Variants in GATB observed in about 807,000 individuals in gnomAD.
The protein encoded by GATB is glutamyl-tRNA(Gln) amidotransferase subunit B, mitochondrial.
In GATB, 39 loss-of-function variants were observed where a neutral mutation model predicts 62.3. The ratio of observed to expected loss-of-function variants is 0.63; its 90% CI spans 0.48 to 0.82. GATB has a LOEUF of 0.82. Among genes scored for constraint, GATB ranks in the 40% least tolerant of loss-of-function variants. The pLI, the probability that GATB is intolerant of heterozygous loss-of-function variation, is 0.00. For missense variants in GATB, 670 were observed against 684.0 expected, an observed-to-expected ratio of 0.98 and a Z score of 0.23; for synonymous variants, 276 against 258.9, an observed-to-expected ratio of 1.07 and a Z score of -0.63.
chr4:151,679,285 C>T lies in GATB; in HGVS notation c.1410+528G>A, dbSNP rs113803059. Among the ~76,000 whole-genome samples the T allele has an allele frequency of 7.2e-5, 11 of 152,314 alleles. 1 individual carries two copies. Among genetic ancestry groups the T allele is most frequent in the African/African-American group, 2.6e-4 (11 of 41,560 alleles). ...AGAGGTATAGACAGACAAAAGGCTG[C>T]TTAGGATGATGCTATTTTTCTGAGT... On this transcript the variant is annotated intron_variant, in intron 11 of 12. Transcript: ENST00000263985.
intron 11 of GATB, chr4:151,675,762 T>C (rs1737987422): frequency 6.6e-6 from 1 of 152,238 alleles, no homozygotes; most frequent in Admixed American, 6.5e-5. Flanking sequence ...TCTGTGTTAA[T>C]AAATGGCCGA....
intron 2 of GATB, among the ~76,000 whole-genome samples, chr4:151,732,699 C>A (rs1739293141): frequency 1.4e-5 from 2 of 144,670 alleles, no homozygotes; most frequent in African/African-American, 2.6e-5. Context: ...GCGAGAAACA[C>A]CCAAGAATGA....
intron 9 of GATB, among the ~76,000 whole-genome samples, chr4:151,700,354 G>C (rs547310605): frequency 6.6e-6 from 1 of 152,302 alleles, no homozygotes; most frequent in South Asian, 2.1e-4. Flanking sequence ...CAGCCCACAG[G>C]AGGCAGTGAC....
intron 10 of GATB, among the ~76,000 whole-genome samples, chr4:151,682,296 A>G (rs1738155698): frequency 1.3e-5 from 2 of 152,166 alleles, no homozygotes; most frequent in Non-Finnish European, 1.5e-5. Context: ...TTAATTCCAC[A>G]TATGCCAGGG....
intron 10 of GATB, among the ~76,000 whole-genome samples, chr4:151,681,202 C>T (rs911868089): frequency 1.3e-5 from 2 of 152,248 alleles, no homozygotes; most frequent in African/African-American, 4.8e-5. Flanking sequence ...AACCAACTGA[C>T]TTACTGTACT....
chr4:151,687,091 G>T, intron 10 of GATB: 1 of 152,244 alleles, frequency 6.6e-6, no homozygotes, highest in African/African-American at 2.4e-5. Flanking sequence ...TTCAGGGCTG[G>T]TGTCTGTCCC....
chr4:151,699,026 G>A (rs867914811), intron 9 of GATB, among the ~76,000 whole-genome samples: 10 of 151,452 alleles, frequency 6.6e-5, no homozygotes, highest in Middle Eastern at 3.4e-3. Context: ...ATTCTTGGAA[G>A]GCAAAAAAAA....
intron 2 of GATB, among the ~76,000 whole-genome samples, chr4:151,748,978 A>G (rs1739659354): frequency 1.3e-5 from 2 of 152,234 alleles, no homozygotes; most frequent in South Asian, 4.1e-4. Context: ...CACACCAGTT[A>G]GAATGGCGAT....
rs1289409834 is a variant in GATB, at chr4:151,672,883, A to G, written c.1424T>C (p.Leu475Pro). The G allele has an allele frequency of 1.9e-6, 3 of 1,614,066 alleles. No individual in the cohort carries two copies. Among genetic ancestry groups the G allele is most frequent in the Non-Finnish European group, 2.5e-6 (3 of 1,180,018 alleles). ...SSAAKQVFEE[L>P]WKREGKTPGQ... is the part of the protein sequence containing the mutation. ...TGGAGTCTTGCCTTCCCTCTTCCAC[A>G]GTTCCTCAAACACCTATGGACCAGA... The change falls in exon 12 of 13, where the codon CTG (leucine) becomes CCG (proline). Residue 475 changes from leucine to proline, a missense_variant. Physicochemically the swap from Leu to Pro is moderately conservative, Grantham distance 98 (BLOSUM62 -3). Coordinates refer to ENST00000263985, the MANE Select transcript of GATB (RefSeq NM_004564.3).
chr4:151,694,363 C>T (rs372037561), intron 9 of GATB, among the ~76,000 whole-genome samples: 8 of 152,178 alleles, frequency 5.3e-5, no homozygotes, highest in African/African-American at 9.7e-5. Context: ...AGGTGTCACA[C>T]GGCTCTGAGC....
chr4:151,741,180 C>T (rs1425169975), intron 2 of GATB, among the ~76,000 whole-genome samples: 1 of 151,980 alleles, frequency 6.6e-6, no homozygotes, highest in East Asian at 1.9e-4. Flanking sequence ...ATAAATTATG[C>T]ACAGCAAGAG....
intron 2 of GATB, among the ~76,000 whole-genome samples, chr4:151,735,736 G>A (rs199692931): frequency 0.24 from 22,417 of 93,606 alleles, 3,835 homozygotes; most frequent in African/African-American, 0.32. Context: ...AAACTGTGGT[G>A]TATATATATA....
chr4:151,749,422 A>G (rs1223596213), intron 2 of GATB, among the ~76,000 whole-genome samples: 1 of 151,132 alleles, frequency 6.6e-6, no homozygotes, highest in Non-Finnish European at 1.5e-5. Flanking sequence ...AGAAAACCAA[A>G]CACCACATGT....
rs575597825 is a variant in GATB at position 151,708,731 on chromosome 4, G to T, written c.764-630C>A. Among the ~76,000 whole-genome samples the T allele has an allele frequency of 2.6e-5, 4 of 152,320 alleles. No individual in the cohort carries two copies. The East Asian group carries it at 5.8e-4, about 22-fold the overall frequency. On this transcript the variant is annotated intron_variant, in intron 5 of 12. Coordinates refer to ENST00000263985, the MANE Select transcript of GATB (RefSeq NM_004564.3). ...CTGACTGCTCTAACGATTTGCTACA[G>T]CAGACAGACAGCACTGTTACGAAGT...
intron 10 of GATB, among the ~76,000 whole-genome samples, chr4:151,686,651 C>CA (rs1738252976): frequency 1.4e-5 from 1 of 71,538 alleles, no homozygotes; most frequent in African/African-American, 1.0e-4. Flanking sequence ...GTCCCCGCCC[C>CA]GCCCCCCCCC....
At chr4:151,744,249 C>G (rs756902319) in intron 2 of GATB, among the ~76,000 whole-genome samples, 1 of 152,120 alleles carries the variant, frequency 6.6e-6, no homozygotes, top group African/African-American at 2.4e-5. Flanking sequence ...CGTGTGTGTA[C>G]GCACGTGTAT....
At chr4:151,710,502 T>C (rs1359672897) in intron 5 of GATB, among the ~76,000 whole-genome samples, 12 of 152,194 alleles carry the variant, frequency 7.9e-5, no homozygotes, top group Admixed American at 6.5e-5. Context: ...TTCCCATTTA[T>C]TCCTTAACCC....
At chr4:151,755,936 T>C (rs532940827) in intron 2 of GATB, among the ~76,000 whole-genome samples, 3 of 152,200 alleles carry the variant, frequency 2.0e-5, no homozygotes, top group Non-Finnish European at 4.4e-5. Flanking sequence ...ACACAATAGA[T>C]ATAGGTTTCT....
chr4:151,707,759 C>T (rs1468084415), intron 6 of GATB, among the ~76,000 whole-genome samples: 1 of 152,220 alleles, frequency 6.6e-6, no homozygotes, highest in African/African-American at 2.4e-5. Context: ...GCCCAGCAGA[C>T]ATCAGCATCA....
Sources: allele counts gnomAD v4.1 joint callset (sites outside exome capture counted in the v4.1 genomes callset), GRCh38; gene constraint gnomAD v4.1.1; transcripts MANE v1.5; gene names NCBI Gene and HGNC (gene_info 2026-07-23, HGNC 2026-07-21).